SLC26A4: variants seen among roughly 807,000 people sequenced by gnomAD.
SLC26A4 encodes the protein solute carrier family 26 member 4.
Under a neutral mutation model 90.4 loss-of-function variants are expected in SLC26A4, and 93 were observed. That is an observed-to-expected ratio of 1.03 (90% CI 0.87 to 1.22). The LOEUF (loss-of-function observed/expected upper bound fraction) is 1.22. SLC26A4 is among the 50% of genes most tolerant of loss of function. The pLI, the probability that SLC26A4 is intolerant of heterozygous loss-of-function variation, is 0.00. For missense variants in SLC26A4, 1,127 were observed against 946.2 expected, an observed-to-expected ratio of 1.19 and a Z score of -2.51; for synonymous variants, 393 against 354.6, an observed-to-expected ratio of 1.11 and a Z score of -1.22.
At chr7:107,696,465 C>T (rs145751579) in intron 13 of SLC26A4, among the ~76,000 whole-genome samples, 164 of 152,290 alleles carry the variant, frequency 1.1e-3, no homozygotes, top group Admixed American at 4.1e-3. Flanking sequence ...GTAAGGCGCT[C>T]GGCCCCAGGC....
intron 3 of SLC26A4, among the ~76,000 whole-genome samples, chr7:107,666,928 T>G (rs888519675): frequency 2.6e-5 from 4 of 152,166 alleles, no homozygotes; most frequent in African/African-American, 9.7e-5. Context: ...AACCAGATGA[T>G]GCAGGCTATG....
intron 6 of SLC26A4, among the ~76,000 whole-genome samples, chr7:107,679,916 T>G (rs1791144226): frequency 7.1e-6 from 1 of 141,194 alleles, no homozygotes; most frequent in Non-Finnish European, 1.5e-5. Context: ...TATATGCTCT[T>G]ATATAATATA....
chr7:107,714,085 AT>A (rs11335507), intron 20 of SLC26A4, among the ~76,000 whole-genome samples: 119,623 of 148,850 alleles, frequency 0.8, 48,425 homozygotes, highest in East Asian at 0.99. Flanking sequence ...CGTCCAGATA[AT>A]TTTTTTTTTT....
At chr7:107,692,690 T>C (rs1362987347) in intron 10 of SLC26A4, among the ~76,000 whole-genome samples, 1 of 152,152 alleles carries the variant, frequency 6.6e-6, no homozygotes, top group Non-Finnish European at 1.5e-5. Context: ...CTCACCCCCA[T>C]CTGACTTCCA....
chr7:107,701,422 C>A (rs1026616636), intron 16 of SLC26A4, among the ~76,000 whole-genome samples: 12 of 151,980 alleles, frequency 7.9e-5, no homozygotes, highest in Non-Finnish European at 1.8e-4. Flanking sequence ...GATTTTTTTC[C>A]CCACCATGAA....
At chr7:107,687,959 A>G (rs1226364365) in intron 8 of SLC26A4, among the ~76,000 whole-genome samples, 3 of 152,172 alleles carry the variant, frequency 2.0e-5, no homozygotes. Context: ...GATGGGATAT[A>G]AGGAGAAAAG....
At chr7:107,692,796 T>A (rs1244960931) in intron 10 of SLC26A4, among the ~76,000 whole-genome samples, 1 of 152,212 alleles carries the variant, frequency 6.6e-6, no homozygotes, top group African/African-American at 2.4e-5. Context: ...TGAATCTGGT[T>A]GTAGATATAA....
intron 18 of SLC26A4, among the ~76,000 whole-genome samples, chr7:107,708,552 A>G (rs1458966847): frequency 6.6e-6 from 1 of 152,178 alleles, no homozygotes; most frequent in Admixed American, 6.5e-5. Flanking sequence ...AGCTAGAGTT[A>G]AGTTTTAAAT....
intron 8 of SLC26A4, among the ~76,000 whole-genome samples, chr7:107,687,544 G>A (rs1273419697): frequency 6.6e-6 from 1 of 152,172 alleles, no homozygotes; most frequent in Non-Finnish European, 1.5e-5. Flanking sequence ...TGACAGCTGA[G>A]GAAACTGGGA....
chr7:107,695,500 C>T (rs1791711660), intron 12 of SLC26A4, among the ~76,000 whole-genome samples: 1 of 152,072 alleles, frequency 6.6e-6, no homozygotes, highest in Non-Finnish European at 1.5e-5. Context: ...TGAATGAAGT[C>T]ACAATATTTT....
chr7:107,713,864 A>G (rs1792264044), intron 20 of SLC26A4, among the ~76,000 whole-genome samples: 1 of 151,530 alleles, frequency 6.6e-6, no homozygotes, highest in Non-Finnish European at 1.5e-5. Context: ...GCTGGATTTC[A>G]TCTTGTTGGT....
rs1792324464 is a variant in SLC26A4 at position 107,715,522 on chromosome 7, C to T, written c.*76C>T. On this transcript the variant is annotated 3_prime_UTR_variant, in exon 21 of 21. Coordinates refer to ENST00000644269, the MANE Select transcript of SLC26A4 (RefSeq NM_000441.2). ...TCAATGCATTGACTATTTCTTCAGA[C>T]TCAAAACACTCATTCTTTTTTCTAT... 2.0e-6 allele frequency: 2 copies of T among 1,011,354 alleles called. No individual in the cohort carries two copies. Among genetic ancestry groups the T allele is most frequent in the South Asian group, 1.3e-5 (1 of 79,064 alleles). The allele number at this position is 1,011,354 out of a possible 1,614,324, so 62.6% of individuals were successfully genotyped here. A position where few individuals can be genotyped will look rare whatever the true frequency, so the allele number is the denominator to read the frequency against.
chr7:107,705,299 T>C (rs918050048), intron 18 of SLC26A4, among the ~76,000 whole-genome samples: 1 of 152,196 alleles, frequency 6.6e-6, no homozygotes, highest in African/African-American at 2.4e-5. Context: ...CTCATTATCA[T>C]GTATGTCTCT....
chr7:107,707,198 A>G (rs1251732092), intron 18 of SLC26A4, among the ~76,000 whole-genome samples: 1 of 152,222 alleles, frequency 6.6e-6, no homozygotes, highest in Non-Finnish European at 1.5e-5. Flanking sequence ...CTTTAAAGAA[A>G]AATTTTCTTT....
At chr7:107,694,335 C>T (rs1286450382) in intron 10 of SLC26A4, 68 bp from the exon 11 acceptor site, 2 of 1,192,312 alleles carry the variant, frequency 1.7e-6, no homozygotes, top group Non-Finnish European at 2.5e-6. Flanking sequence ...CTCATACACA[C>T]ATCCAGTGAG....
chr7:107,671,211 G>T (rs1456654817), intron 3 of SLC26A4, among the ~76,000 whole-genome samples: 1 of 152,086 alleles, frequency 6.6e-6, no homozygotes, highest in Admixed American at 6.5e-5. Flanking sequence ...TGCCCAGGCT[G>T]GAGTGCAGTG....
intron 14 of SLC26A4, among the ~76,000 whole-genome samples, chr7:107,699,618 T>C (rs745843056): frequency 6.6e-6 from 1 of 152,056 alleles, no homozygotes; most frequent in African/African-American, 2.4e-5. Flanking sequence ...TTGTAACCTG[T>C]TGTCTCCCTA....
At chr7:107,681,568 A>T in intron 6 of SLC26A4, among the ~76,000 whole-genome samples, 1 of 104,380 alleles carries the variant, frequency 9.6e-6, no homozygotes, top group East Asian at 2.6e-4. Flanking sequence ...AAGCTCATTT[A>T]AAGAAAAGTT....
Position 107,715,424 on chromosome 7 carries a change from C to T in SLC26A4, c.2321C>T (p.Ala774Val). The change falls in exon 21 of 21, where the codon GCT becomes GTT. Residue 774 changes from alanine to valine, a missense_variant and splice_region_variant. Coordinates refer to ENST00000644269, the MANE Select transcript of SLC26A4 (RefSeq NM_000441.2). ...TEEELDVQDE[A>V]MRTLAS Reference sequence around the variant, plus strand: ...TTTGTTTTCCCCTTGCTTCCACAGGCTATGCGTACACTTGCATCCTGAAAG... The same window carrying T: ...TTTGTTTTCCCCTTGCTTCCACAGGTTATGCGTACACTTGCATCCTGAAAG... 6.2e-7 allele frequency: 1 copy of T among 1,613,062 alleles called. No individual in the cohort carries two copies. The highest frequency in any genetic ancestry group is 8.5e-7 in the Non-Finnish European group (1 of 1,179,066).
Sources: allele counts gnomAD v4.1 joint callset (sites outside exome capture counted in the v4.1 genomes callset), GRCh38; gene constraint gnomAD v4.1.1; transcripts MANE v1.5; gene names NCBI Gene and HGNC (gene_info 2026-07-23, HGNC 2026-07-21).